Variants in MDH1B observed in about 807,000 individuals in gnomAD.
MDH1B encodes malate dehydrogenase 1B, also known as putative malate dehydrogenase 1B.
Under a neutral mutation model 61.4 loss-of-function variants are expected in MDH1B, and 60 were observed. The ratio of observed to expected loss-of-function variants is 0.98; its 90% confidence interval spans 0.79 to 1.21. The LOEUF is 1.21. Among genes scored for constraint, MDH1B ranks in the 50% most tolerant of loss-of-function variants. The pLI, the probability that MDH1B is intolerant of heterozygous loss-of-function variation, is 0.00. For missense variants in MDH1B, 587 were observed against 632.1 expected (o/e 0.93, Z 0.76); for synonymous variants, 236 against 218.7 (o/e 1.08, Z -0.70).
At chr2:206,762,700 C>T (rs1325336117) in intron 1 of MDH1B, among the ~76,000 whole-genome samples, 1 of 152,120 alleles carries the variant, frequency 6.6e-6, no homozygotes, top group Non-Finnish European at 1.5e-5. Context: ...ATTTCTCACC[C>T]ACTGCAATGT....
intron 7 of MDH1B, among the ~76,000 whole-genome samples, chr2:206,747,027 T>C (rs1198554010): frequency 6.6e-6 from 1 of 152,210 alleles, no homozygotes; most frequent in Non-Finnish European, 1.5e-5. Flanking sequence ...GGATGTGCTC[T>C]AAATAAAAAG....
At chr2:206,759,425 A>T (rs1311622316) in intron 2 of MDH1B, among the ~76,000 whole-genome samples, 1 of 152,100 alleles carries the variant, frequency 6.6e-6, no homozygotes, top group Non-Finnish European at 1.5e-5. Context: ...TGCTATTGTG[A>T]CTAGTGTTGC....
intron 9 of MDH1B, among the ~76,000 whole-genome samples, chr2:206,744,852 G>GA (rs1284645493): frequency 6.6e-6 from 1 of 152,084 alleles, no homozygotes; most frequent in Non-Finnish European, 1.5e-5. Context: ...TCGTACCTGG[G>GA]AGGCGGGGCT....
Position 206,743,100 on chromosome 2 carries a change from CAG to C in MDH1B, c.1409-1998_1409-1997del, listed in dbSNP as rs1687910023. Among the ~76,000 whole-genome samples, 3 of 152,118 alleles carry C rather than the reference CAG, an allele frequency of 2.0e-5. No homozygotes were observed. The South Asian group carries it at 6.2e-4, about 31-fold the overall frequency. On this transcript the variant is annotated intron_variant, in intron 9 of 11. Transcript: ENST00000374412. Reference sequence around the variant, plus strand: ...GTATGGGATAATAGTTGAAGGAACACAGAGTTGGATCAGGCTGAATTTATTGA... The same window carrying C: ...GTATGGGATAATAGTTGAAGGAACACAGTTGGATCAGGCTGAATTTATTGA...
rs369257324 is a variant in MDH1B, at chr2:206,739,590, T to C, written c.1528+3A>G. 88 of 1,613,136 alleles carry C rather than the reference T, an allele frequency of 5.5e-5. 2 individuals are homozygous for C. The South Asian group carries it at 7.0e-4, about 13-fold the overall frequency. On this transcript the variant is annotated splice_donor_region_variant and intron_variant, in intron 11 of 11. Transcript: ENST00000374412. ...ACTAGTTAATGTTTTGTCTACCACC[T>C]ACCATTTAGGAACTCAAGACTCTGT...
intron 6 of MDH1B, among the ~76,000 whole-genome samples, chr2:206,750,305 A>G (rs1265121762): frequency 6.7e-6 from 1 of 150,190 alleles, no homozygotes; most frequent in African/African-American, 2.4e-5. Flanking sequence ...CTTCCCCAAG[A>G]CCCTATAGGG....
chr2:206,754,956 G>C, intron 5 of MDH1B, 53 bp downstream of exon 5: 3 of 1,567,894 alleles, frequency 1.9e-6, no homozygotes, highest in Non-Finnish European at 2.6e-6. Context: ...TAGCTGCTTT[G>C]AAATCATGTT....
At chr2:206,740,903 C>G (rs1687771056) in intron 10 of MDH1B, 151 bp downstream of exon 10, 1 of 1,059,146 alleles carries the variant, frequency 9.4e-7, no homozygotes, top group Admixed American at 3.0e-5. Flanking sequence ...ATTTTTATGC[C>G]CATTTCAAAG....
intron 5 of MDH1B, among the ~76,000 whole-genome samples, chr2:206,754,052 T>C (rs1688610485): frequency 6.6e-6 from 1 of 152,212 alleles, no homozygotes; most frequent in Non-Finnish European, 1.5e-5. Context: ...TCAATTTGGT[T>C]GAGTGTTGTA....
chr2:206,745,730 CTTTTTTTTT>C (rs140066038), intron 8 of MDH1B, 57 bp from the exon 9 acceptor site: 7 of 747,898 alleles, frequency 9.4e-6, no homozygotes, highest in South Asian at 3.9e-5. Context: ...CTTAATTCTT[CTTTTTTTTT>C]TTTTTTTTTT....
intron 7 of MDH1B, among the ~76,000 whole-genome samples, chr2:206,747,324 C>T (rs1443435522): frequency 1.3e-5 from 2 of 152,140 alleles, no homozygotes; most frequent in Non-Finnish European, 2.9e-5. Flanking sequence ...GAGGGTTTAC[C>T]TATTTGGTAT....
chr2:206,754,203 G>A (rs1275476694), intron 5 of MDH1B, among the ~76,000 whole-genome samples: 1 of 152,138 alleles, frequency 6.6e-6, no homozygotes, highest in Non-Finnish European at 1.5e-5. Flanking sequence ...TCCTAACTGG[G>A]AACATTCTAG....
At chr2:206,757,472 T>C in intron 2 of MDH1B, 101 bp from the exon 3 acceptor site, 1 of 1,052,990 alleles carries the variant, frequency 9.5e-7, no homozygotes, top group Non-Finnish European at 1.4e-6. Context: ...TTGCTTTTAA[T>C]GTCACTATAT....
Position 206,746,296 on chromosome 2 carries a change from A to G in MDH1B, c.1347T>C (p.Asp449=), listed in dbSNP as rs1310258827. Residue 449 remains aspartate (D), a synonymous_variant, in exon 8 of 12, where the codon GAT becomes GAC. Transcript: ENST00000374412. The part of the protein sequence containing the change: ...SEQIMTRMTS[D]LIQEKLVALG... ...TCTATTCTGACATTACCTGAATTAG[A>G]TCACTTGTCATTCGGGTCATTATTT... The G allele has an allele frequency of 3.1e-6, 5 of 1,613,420 alleles. No homozygotes were observed. The South Asian group carries it at 4.4e-5, about 14-fold the overall frequency.
chr2:206,741,247 A>G, intron 9 of MDH1B, 143 bp from the exon 10 acceptor site: 5 of 1,067,288 alleles, frequency 4.7e-6, no homozygotes, highest in Non-Finnish European at 6.8e-6. Flanking sequence ...TTATAGTCCA[A>G]TGTGTACATT....
intron 2 of MDH1B, 136 bp downstream of exon 2, chr2:206,760,765 T>A: frequency 1.8e-6 from 1 of 560,438 alleles, no homozygotes; most frequent in Non-Finnish European, 3.2e-6. Context: ...TAGGGACTTG[T>A]TTTACTAGTA....
chr2:206,746,052 A>G (rs1032601827), intron 8 of MDH1B, among the ~76,000 whole-genome samples: 1 of 152,150 alleles, frequency 6.6e-6, no homozygotes, highest in Admixed American at 6.5e-5. Context: ...TAATAGAAAA[A>G]CACCTTGATT....
intron 5 of MDH1B, among the ~76,000 whole-genome samples, chr2:206,752,981 A>G (rs748103616): frequency 6.8e-6 from 1 of 147,818 alleles, no homozygotes; most frequent in Non-Finnish European, 1.5e-5. Context: ...ATGGGCATGC[A>G]GTCCAAGCCT....
intron 1 of MDH1B, among the ~76,000 whole-genome samples, chr2:206,764,996 C>T (rs1488670847): frequency 6.6e-6 from 1 of 152,218 alleles, no homozygotes; most frequent in Admixed American, 6.5e-5. Context: ...GCGTTAATCA[C>T]ACCGTATCAA....
Sources: allele counts gnomAD v4.1 joint callset (sites outside exome capture counted in the v4.1 genomes callset), GRCh38; gene constraint gnomAD v4.1.1; transcripts MANE v1.5; gene names NCBI Gene and HGNC (gene_info 2026-07-23, HGNC 2026-07-21).